The following MTUS2 variants were observed in gnomAD, a reference collection of about 807,000 sequenced individuals.
MTUS2 encodes the protein microtubule associated scaffold protein 2.
A neutral mutation model predicts 114.1 loss-of-function variants in MTUS2; 40 were observed. The observed-to-expected ratio is 0.35, with a 90% CI of 0.27 to 0.46. MTUS2 has a LOEUF of 0.46. Among genes scored for constraint, MTUS2 ranks in the 20% least tolerant of loss-of-function variants. MTUS2 has a pLI of 1.00. For missense variants in MTUS2, 1,679 were observed against 1,705.4 expected, an observed-to-expected ratio of 0.98 and a Z score of 0.27; for synonymous variants, 688 against 672.0, an observed-to-expected ratio of 1.02 and a Z score of -0.37.
At chr13:29,475,662 GTAAA>G (rs1001178741) in intron 9 of MTUS2, among the ~76,000 whole-genome samples, 11 of 151,848 alleles carry the variant, frequency 7.2e-5, no homozygotes, top group African/African-American at 2.4e-4. Flanking sequence ...AAGTAAAAAA[GTAAA>G]TAAAAATTTT....
intron 5 of MTUS2, among the ~76,000 whole-genome samples, chr13:29,252,910 C>CT (rs149861983): frequency 0.048 from 7,176 of 149,112 alleles, 336 homozygotes; most frequent in East Asian, 0.25. Flanking sequence ...CATTAAGCTT[C>CT]TTTTTTTTTT....
chr13:29,054,746 T>A (rs1455908353), intron 4 of MTUS2, among the ~76,000 whole-genome samples: 1 of 152,146 alleles, frequency 6.6e-6, no homozygotes, highest in Non-Finnish European at 1.5e-5. Context: ...TATTTTAATT[T>A]CTAGGTACAC....
intron 6 of MTUS2, among the ~76,000 whole-genome samples, chr13:29,287,908 A>G (rs1269489646): frequency 6.6e-6 from 1 of 152,192 alleles, no homozygotes; most frequent in Non-Finnish European, 1.5e-5. Context: ...AAGCACAGAG[A>G]AACAATTATT....
In MTUS2 at chr13:29,505,827, C is replaced by A; in HGVS notation, c.*2621C>A. 4.4e-6 allele frequency: 1 copy of A among 229,320 alleles called. No homozygotes were observed. The highest frequency in any genetic ancestry group is 5.7e-5 in the Admixed American group (1 of 17,662). The allele number at this position is 229,320 out of a possible 1,614,324, so 14.2% of individuals were successfully genotyped here. The stretch of plus-strand genomic sequence containing the variant: ...ATGTCAGAATGGATGGGGGTGGGGG[C>A]AGCCCTGGCCGTGATTAGTTGAATG... On this transcript the variant is annotated 3_prime_UTR_variant, in exon 16 of 16. Transcript: ENST00000612955.
chr13:29,340,415 A>G lies in MTUS2; in HGVS notation c.2905+15704A>G, dbSNP rs192425697. On this transcript the variant is annotated intron_variant, in intron 7 of 15. Transcript: ENST00000612955. ...AATACACTTGGATACTCTTTCAAGG[A>G]AAAACAAATCATTTACTCATATCAG... is the stretch of plus-strand genomic sequence containing the variant. Among the ~76,000 whole-genome samples, 706 of 152,358 alleles carry G rather than the reference A, an allele frequency of 4.6e-3. 6 individuals are homozygous for G. The highest frequency in any genetic ancestry group is 0.016 in the African/African-American group (660 of 41,578).
At chr13:29,090,318 TC>T (rs775587843) in intron 4 of MTUS2, among the ~76,000 whole-genome samples, 25 of 152,152 alleles carry the variant, frequency 1.6e-4, no homozygotes, top group Non-Finnish European at 3.4e-4. Flanking sequence ...GCCGAGATGT[TC>T]CTAGTTCTCT....
intron 5 of MTUS2, among the ~76,000 whole-genome samples, chr13:29,227,258 CAA>C (rs10680419): frequency 8.3e-6 from 1 of 120,658 alleles, no homozygotes; most frequent in Non-Finnish European, 1.7e-5. Flanking sequence ...GACTCCGTCT[CAA>C]AAAAAAAAAA....
chr13:29,116,127 C>T (rs1192326792), intron 5 of MTUS2, among the ~76,000 whole-genome samples: 2 of 152,064 alleles, frequency 1.3e-5, no homozygotes, highest in Non-Finnish European at 2.9e-5. Flanking sequence ...GGCCCCTAGG[C>T]CCCATGTTCT....
rs770708459 is a variant in MTUS2 at position 29,259,698 on chromosome 13, A to C, written c.2645-22006A>C. Among the ~76,000 whole-genome samples the C allele has an allele frequency of 6.6e-4, 101 of 152,270 alleles. 1 individual carries two copies. Among genetic ancestry groups the C allele is most frequent in the Non-Finnish European group, 9.3e-4 (63 of 68,044 alleles). On this transcript the variant is annotated intron_variant, in intron 5 of 15. Transcript: ENST00000612955. Reference sequence around the variant, plus strand: ...ATGATAGCTGGGACAGCAGACACCCATCAAAGCGTTACTAATAAAAATGAA... The same window carrying C: ...ATGATAGCTGGGACAGCAGACACCCCTCAAAGCGTTACTAATAAAAATGAA...
At chr13:29,382,267 G>A (rs1257794823) in intron 8 of MTUS2, among the ~76,000 whole-genome samples, 3 of 152,128 alleles carry the variant, frequency 2.0e-5, no homozygotes, top group Admixed American at 6.5e-5. Flanking sequence ...GAGCAAAAGC[G>A]GATCCTCTGA....
Position 29,100,717 on chromosome 13 carries a change from C to T in MTUS2, c.2447-56C>T, listed in dbSNP as rs1890375044. 34 of 1,524,650 alleles carry T rather than the reference C, an allele frequency of 2.2e-5. No homozygotes were observed. In the South Asian group the frequency reaches 3.2e-4, roughly 14 times the overall value. 94.4% of individuals were successfully genotyped at this position (1,524,650 alleles called of 1,614,324 possible). A position where few individuals can be genotyped will look rare whatever the true frequency, so the allele number is the denominator to read the frequency against. ...GTTCGAATTCATAATCTGTAGAATT[C>T]ATTATCTCATTATGAACTGAGAATA... On this transcript the variant is annotated intron_variant, in intron 4 of 15. Transcript: ENST00000612955.
rs201600406 is a variant in MTUS2 at position 29,025,305 on chromosome 13, C to T, written c.607C>T (p.Arg203Trp). ...QHPQPLSLDSREARGQIPGGG... is the reference protein window; with the variant it reads ...QHPQPLSLDSWEARGQIPGGG... ...TCCACAGCCTCTATCCCTCGACTCC[C>T]GGGAAGCACGGGGTCAGATACCTGG... The change falls in exon 3 of 16, where the codon CGG (arginine) becomes TGG (tryptophan). Residue 203 changes from arginine to tryptophan, a missense_variant. Arg to Trp is a moderately radical substitution (Grantham distance 101). Coordinates refer to ENST00000612955, the MANE Select transcript of MTUS2 (RefSeq NM_001033602.4). 3.1e-4 allele frequency: 507 copies of T among 1,613,910 alleles called. 4 individuals are homozygous for T. Among genetic ancestry groups the T allele is most frequent in the South Asian group, 1.8e-4 (16 of 91,080 alleles).
intron 2 of MTUS2, among the ~76,000 whole-genome samples, chr13:28,894,216 G>A (rs868144409): frequency 4.7e-5 from 7 of 148,188 alleles, no homozygotes; most frequent in African/African-American, 1.5e-4. Context: ...GTTTAGATGA[G>A]GTCACATGAG....
chr13:29,055,385 T>A (rs566830449), intron 4 of MTUS2, among the ~76,000 whole-genome samples: 1 of 152,162 alleles, frequency 6.6e-6, no homozygotes, highest in African/African-American at 2.4e-5. Flanking sequence ...TTTCTAATTT[T>A]ATCTTAGGTT....
At chr13:28,846,056 ATAT>A (rs1269803380) in intron 2 of MTUS2, among the ~76,000 whole-genome samples, 1,835 of 32,536 alleles carry the variant, frequency 0.056, 43 homozygotes, top group African/African-American at 0.095. Context: ...TAAAAAAAAA[ATAT>A]ATATATATAT....
rs1377464232 is a variant in MTUS2, at chr13:29,492,210, G to GA, written c.3506-436_3506-435insA. Among the ~76,000 whole-genome samples the GA allele has an allele frequency of 6.4e-3, 19 of 2,952 alleles. 2 individuals carry two copies. Among genetic ancestry groups the GA allele is most frequent in the African/African-American group, 0.02 (18 of 882 alleles). The allele number at this position is 2,952 out of a possible 152,430, so 1.9% of individuals were successfully genotyped here. A position where few individuals can be genotyped will look rare whatever the true frequency, so the allele number is the denominator to read the frequency against. ...GTGTGTATGTGTGTGTGGTGTGTAT[G>GA]TGATGTGTGGTAGGTGTGTATGTGT... On this transcript the variant is annotated intron_variant, in intron 11 of 15. Coordinates refer to ENST00000612955, the MANE Select transcript of MTUS2 (RefSeq NM_001033602.4).
intron 5 of MTUS2, among the ~76,000 whole-genome samples, chr13:29,233,661 A>G (rs911744101): frequency 9.2e-5 from 14 of 152,174 alleles, no homozygotes; most frequent in African/African-American, 3.1e-4. Context: ...TGGTGATCCA[A>G]TCTCAGCTTT....
intron 8 of MTUS2, among the ~76,000 whole-genome samples, chr13:29,391,872 T>C (rs914408551): frequency 6.6e-6 from 1 of 151,992 alleles, no homozygotes; most frequent in African/African-American, 2.4e-5. Context: ...GCGCAGTGGC[T>C]CACACCTATA....
intron 5 of MTUS2, among the ~76,000 whole-genome samples, chr13:29,172,824 A>G (rs1397875003): frequency 6.6e-6 from 1 of 152,234 alleles, no homozygotes; most frequent in South Asian, 2.1e-4. Flanking sequence ...TAAAATGTGT[A>G]CAAAGTAGAG....
Sources: gnomAD v4.1 joint callset for allele counts (sites outside exome capture counted in the v4.1 genomes callset) on GRCh38, gnomAD v4.1.1 for gene constraint, MANE v1.5 for transcripts, NCBI Gene and HGNC (gene_info 2026-07-23, HGNC 2026-07-21) for gene names.